Variants in CPNE1 observed in about 807,000 individuals in gnomAD.
The protein encoded by CPNE1 is copine-1.
Under a neutral mutation model 63.2 loss-of-function variants are expected in CPNE1, and 58 were observed. That is an observed-to-expected ratio of 0.92 (90% confidence interval 0.74 to 1.14). CPNE1 has a LOEUF of 1.14. Among genes scored for constraint, CPNE1 ranks in the 50% most tolerant of loss-of-function variants. The probability of loss-of-function intolerance (pLI) is 0.00; values close to 1 mark genes in which losing one functional copy is unlikely to be tolerated. For synonymous variants in CPNE1, 237 were observed against 249.0 expected, an observed-to-expected ratio of 0.95 and a Z score of 0.45; for missense variants, 672 against 661.7, an observed-to-expected ratio of 1.02 and a Z score of -0.17.
intron 1 of CPNE1, chr20:35,654,562 G>A (rs764477459): frequency 3.1e-6 from 5 of 1,614,226 alleles, no homozygotes; most frequent in Non-Finnish European, 1.7e-6. Flanking sequence ...AGCAGGTAGA[G>A]GTGCCACAGG....
At chr20:35,630,543 GA>G in intron 12 of CPNE1, 53 bp from the exon 13 acceptor site, 1 of 1,589,986 alleles carries the variant, frequency 6.3e-7, no homozygotes, top group Non-Finnish European at 8.6e-7. Context: ...TGCTAAGAAT[GA>G]AAAAGGACAC....
chr20:35,644,727 G>A (rs1191680994), intron 1 of CPNE1, among the ~76,000 whole-genome samples: 1 of 152,156 alleles, frequency 6.6e-6, no homozygotes, highest in African/African-American at 2.4e-5. Context: ...CACTACAACA[G>A]CAGTGAGACT....
intron 1 of CPNE1, chr20:35,647,386 TTC>T (rs2033185937): frequency 6.6e-6 from 1 of 151,954 alleles, no homozygotes; most frequent in Non-Finnish European, 1.5e-5. Flanking sequence ...CATGCTAATC[TTC>T]TCTGTTTAAT....
chr20:35,631,439 A>T lies in CPNE1; in HGVS notation c.714+53T>A, dbSNP rs2146285131. The T allele has an allele frequency of 1.6e-5, 25 of 1,602,680 alleles. No homozygotes were observed. The South Asian group carries it at 2.6e-4, about 17-fold the overall frequency. On this transcript the variant is annotated intron_variant, in intron 8 of 15. Transcript: ENST00000397443. ...CTGCCTTCTCCTTCCTCTCTCCCACAAGCTTCAGCTATCTAGGCCCATTTC... is the reference window on the plus strand; with the variant it reads ...CTGCCTTCTCCTTCCTCTCTCCCACTAGCTTCAGCTATCTAGGCCCATTTC...
chr20:35,655,363 A>G, intron 1 of CPNE1: 1 of 1,564,788 alleles, frequency 6.4e-7, no homozygotes, highest in Non-Finnish European at 8.6e-7. Context: ...GAGAAAAGGC[A>G]ACGGCCAGGT....
At chr20:35,652,561 G>A (rs6121012) in intron 1 of CPNE1, 2 of 1,613,898 alleles carry the variant, frequency 1.2e-6, no homozygotes, top group Non-Finnish European at 1.7e-6. Flanking sequence ...TGAACCTATA[G>A]GCCTGTCATT....
intron 1 of CPNE1, among the ~76,000 whole-genome samples, 187 bp from the exon 2 acceptor site, chr20:35,633,110 G>A (rs1427990756): frequency 6.6e-6 from 1 of 152,082 alleles, no homozygotes; most frequent in Non-Finnish European, 1.5e-5. Flanking sequence ...TGAGCTCACT[G>A]GCACAGAAGA....
chr20:35,628,881 A>G (rs1382682410), intron 13 of CPNE1, among the ~76,000 whole-genome samples: 6 of 152,246 alleles, frequency 3.9e-5, no homozygotes, highest in African/African-American at 1.4e-4. Flanking sequence ...GAGATACTGA[A>G]GTACTCAGAG....
At chr20:35,632,487 T>A in intron 3 of CPNE1, 30 bp downstream of exon 3, 1 of 1,611,646 alleles carries the variant, frequency 6.2e-7, no homozygotes, top group South Asian at 1.1e-5. Flanking sequence ...GACCTGCATC[T>A]GAAGGATCCT....
In CPNE1 at chr20:35,655,233, A is replaced by G. The variant is rs770589508; in HGVS notation, c.-1+9527T>C. ...CACCCCCTACAATATGCACGCCCCC[A>G]TCAGGAATGGTCAATCCAGAGAAGA... is the stretch of plus-strand genomic sequence containing the variant. On this transcript the variant is annotated intron_variant, in intron 1 of 15. Transcript: ENST00000397443. The G allele has an allele frequency of 2.5e-6, 4 of 1,613,926 alleles. No individual in the cohort carries two copies. In the Admixed American group the frequency reaches 6.7e-5, roughly 27 times the overall value.
chr20:35,632,108 A>G (rs1601423750), intron 5 of CPNE1, 55 bp downstream of exon 5: 2 of 1,603,126 alleles, frequency 1.2e-6, no homozygotes, highest in South Asian at 2.2e-5. Context: ...CATCCCCCAT[A>G]CACCATCCTT....
At chr20:35,636,036 C>T (rs2032469038) in intron 1 of CPNE1, among the ~76,000 whole-genome samples, 1 of 152,212 alleles carries the variant, frequency 6.6e-6, no homozygotes, top group Non-Finnish European at 1.5e-5. Context: ...AGTTCTTCCC[C>T]AGCCTAGGGC....
At chr20:35,656,684 G>A (rs561353353) in intron 1 of CPNE1, among the ~76,000 whole-genome samples, 5 of 152,228 alleles carry the variant, frequency 3.3e-5, no homozygotes, top group South Asian at 2.1e-4. Flanking sequence ...ACAGGCATGC[G>A]CCACCATGCC....
In CPNE1 at chr20:35,631,498, T is replaced by C. The variant is rs772800574; in HGVS notation, c.708A>G (p.Ala236=). ...TFHTSLAQLQ[A]VPAEFECIHP... is the part of the protein sequence containing the mutation. ...TGGCAAGACCAGCACTCACCGGGAC[T>C]GCCTGCAGCTGGGCCAAGCTGGTGT... The change falls in exon 8 of 16, where the codon GCA becomes GCG. Residue 236 remains alanine (A), a synonymous_variant. Coordinates refer to ENST00000397443, the MANE Select transcript of CPNE1 (RefSeq NM_152925.3). The C allele has an allele frequency of 6.2e-7, 1 of 1,613,960 alleles. No homozygotes were observed. The highest frequency in any genetic ancestry group is 8.5e-7 in the Non-Finnish European group (1 of 1,179,900).
intron 1 of CPNE1, chr20:35,652,417 C>G: frequency 3.1e-6 from 4 of 1,307,448 alleles, no homozygotes; most frequent in Non-Finnish European, 4.2e-6. Flanking sequence ...AAGCTATATG[C>G]AATTGAAACA....
At position 35,632,631 on chromosome 20, in the gene CPNE1, C is replaced by A; in HGVS notation, c.195G>T (p.Glu65Asp). ...SPEFSKTLQL[E>D]YRFETVQKLR... The stretch of plus-strand genomic sequence containing the variant: ...GCTTCTGGACTGTCTCAAAGCGGTA[C>A]TCAAGCTGTAGAGTCTTGGAGAACT... Residue 65 changes from glutamate to aspartate, a missense_variant, in exon 3 of 16, where the codon GAG (glutamate) becomes GAT (aspartate). By Grantham distance (45) the Glu-to-Asp change is conservative. Coordinates refer to ENST00000397443, the MANE Select transcript of CPNE1 (RefSeq NM_152925.3). 2.0e-6 allele frequency: 3 copies of A among 1,530,500 alleles called. No individual in the cohort carries two copies. The highest frequency in any genetic ancestry group is 2.7e-6 in the Non-Finnish European group (3 of 1,103,716). The allele number at this position is 1,530,500 out of a possible 1,614,324, so 94.8% of individuals were successfully genotyped here. A position where few individuals can be genotyped will look rare whatever the true frequency, so the allele number is the denominator to read the frequency against.
intron 1 of CPNE1, among the ~76,000 whole-genome samples, chr20:35,635,311 A>C (rs576258792): frequency 6.6e-6 from 1 of 152,128 alleles, no homozygotes; most frequent in East Asian, 1.9e-4. Flanking sequence ...CCCCCACTAG[A>C]ATATAAATTC....
intron 1 of CPNE1, chr20:35,653,632 A>G: frequency 1.2e-6 from 2 of 1,614,200 alleles, no homozygotes; most frequent in Non-Finnish European, 1.7e-6. Flanking sequence ...GATTCCTTCT[A>G]GGAACTGAAG....
chr20:35,646,278 A>AG (rs1491306057), intron 1 of CPNE1, among the ~76,000 whole-genome samples: 1 of 145,288 alleles, frequency 6.9e-6, no homozygotes, highest in Non-Finnish European at 1.5e-5. Context: ...AAAAAAAAAA[A>AG]GAAACAAAAA....
Sources: allele counts gnomAD v4.1 joint callset (sites outside exome capture counted in the v4.1 genomes callset), GRCh38; gene constraint gnomAD v4.1.1; transcripts MANE v1.5; gene names NCBI Gene and HGNC (gene_info 2026-07-23, HGNC 2026-07-21).